ZNF423: variants seen among roughly 807,000 people sequenced by gnomAD.
ZNF423 encodes zinc finger protein 423.
Under a neutral mutation model 95.8 loss-of-function variants are expected in ZNF423, and 12 were observed. That is an observed-to-expected ratio of 0.13 (90% CI 0.08 to 0.20). The LOEUF (loss-of-function observed/expected upper bound fraction) is 0.20, where lower values mean the gene tolerates loss of function less well. Ranked by LOEUF, ZNF423 falls within the 10% of genes least tolerant of loss-of-function variation. The pLI, the probability that ZNF423 is intolerant of heterozygous loss-of-function variation, is 1.00. For synonymous variants in ZNF423, 749 were observed against 711.9 expected (o/e 1.05, Z -0.83); for missense variants, 1,316 against 1,737.1 (o/e 0.76, Z 4.31).
chr16:49,851,502 G>A (rs549061046), intron 1 of ZNF423, among the ~76,000 whole-genome samples: 1 of 152,220 alleles, frequency 6.6e-6, no homozygotes, highest in Non-Finnish European at 1.5e-5. Flanking sequence ...GATTGAACCA[G>A]ATCCCCAGCC....
At chr16:49,852,678 A>C (rs2035314707) in intron 1 of ZNF423, among the ~76,000 whole-genome samples, 1 of 152,056 alleles carries the variant, frequency 6.6e-6, no homozygotes, top group Non-Finnish European at 1.5e-5. Flanking sequence ...GAAAAATGTG[A>C]CTTTTATAAC....
intron 7 of ZNF423, among the ~76,000 whole-genome samples, chr16:49,504,281 ACAGGCCAGG>A (rs1480005376): frequency 6.6e-6 from 1 of 152,184 alleles, no homozygotes; most frequent in African/African-American, 2.4e-5. Context: ...ACAATGAAAA[ACAGGCCAGG>A]CACAGTGGCT....
intron 3 of ZNF423, among the ~76,000 whole-genome samples, chr16:49,686,110 G>T (rs1230666069): frequency 6.6e-6 from 1 of 152,204 alleles, no homozygotes; most frequent in Non-Finnish European, 1.5e-5. Flanking sequence ...TTTATGGGGT[G>T]GTTTGTCTAG....
chr16:49,504,514 G>A (rs1408579329), intron 7 of ZNF423, among the ~76,000 whole-genome samples: 2 of 152,108 alleles, frequency 1.3e-5, no homozygotes, highest in East Asian at 1.9e-4. Flanking sequence ...CCCAGGAAGC[G>A]GAGGTTGCAA....
chr16:49,760,204 A>T (rs1347751011), intron 2 of ZNF423, among the ~76,000 whole-genome samples: 1 of 112,824 alleles, frequency 8.9e-6, no homozygotes, highest in African/African-American at 3.5e-5. Flanking sequence ...ATGAATGGGT[A>T]GATGAGCTGA....
intron 5 of ZNF423, among the ~76,000 whole-genome samples, chr16:49,534,249 T>TG (rs1491453616): frequency 6.9e-4 from 1 of 1,440 alleles, no homozygotes; most frequent in Admixed American, 9.3e-3. Context: ...TTTTTTTTTG[T>TG]TTTTTTTTTT....
intron 2 of ZNF423, among the ~76,000 whole-genome samples, chr16:49,742,798 C>T (rs2033441697): frequency 6.6e-6 from 1 of 151,880 alleles, no homozygotes; most frequent in South Asian, 2.1e-4. Context: ...CTTGTGGCTG[C>T]AAAAAAAGGA....
At chr16:49,757,052 T>C (rs892530874) in intron 2 of ZNF423, among the ~76,000 whole-genome samples, 1 of 152,198 alleles carries the variant, frequency 6.6e-6, no homozygotes, top group South Asian at 2.1e-4. Flanking sequence ...GTGCAAGTGT[T>C]TTTGTTTTTC....
intron 2 of ZNF423, among the ~76,000 whole-genome samples, chr16:49,733,254 A>G (rs1418584929): frequency 6.6e-6 from 1 of 152,236 alleles, no homozygotes; most frequent in Non-Finnish European, 1.5e-5. Context: ...TAAAAGAGCC[A>G]TAATTCTGGC....
chr16:49,760,362 G>A (rs995938605), intron 2 of ZNF423, among the ~76,000 whole-genome samples: 1 of 151,920 alleles, frequency 6.6e-6, no homozygotes, highest in African/African-American at 2.4e-5. Context: ...ATGGATGGAT[G>A]GATGAACTAA....
chr16:49,733,009 C>T (rs1266635698), intron 2 of ZNF423, among the ~76,000 whole-genome samples: 2 of 152,224 alleles, frequency 1.3e-5, no homozygotes, highest in African/African-American at 4.8e-5. Flanking sequence ...GCGCCAACTC[C>T]TGGCAATACA....
chr16:49,742,201 C>G (rs1461513595), intron 2 of ZNF423, among the ~76,000 whole-genome samples: 2 of 152,158 alleles, frequency 1.3e-5, no homozygotes, highest in African/African-American at 4.8e-5. Context: ...ACCCTCCCTG[C>G]AGGGCTCAGC....
At chr16:49,551,789 C>T (rs1427603557) in intron 5 of ZNF423, among the ~76,000 whole-genome samples, 1 of 152,146 alleles carries the variant, frequency 6.6e-6, no homozygotes, top group Non-Finnish European at 1.5e-5. Context: ...GAAAACGGGC[C>T]CCTCAAGTCT....
chr16:49,546,481 A>G (rs1204431356), intron 5 of ZNF423, among the ~76,000 whole-genome samples: 1 of 152,198 alleles, frequency 6.6e-6, no homozygotes, highest in Admixed American at 6.5e-5. Flanking sequence ...GGGATAGAGT[A>G]CTAGGATGTT....
chr16:49,758,405 T>C (rs1490415106), intron 2 of ZNF423, among the ~76,000 whole-genome samples: 26 of 152,270 alleles, frequency 1.7e-4, no homozygotes, highest in African/African-American at 6.0e-4. Context: ...TCCCAAAGTA[T>C]TGGGATTACA....
At chr16:49,691,991 G>C (rs900993733) in intron 3 of ZNF423, among the ~76,000 whole-genome samples, 1 of 151,956 alleles carries the variant, frequency 6.6e-6, no homozygotes, top group Admixed American at 6.6e-5. Flanking sequence ...GCTCTGTGGC[G>C]CAGGCTGGAG....
At chr16:49,765,709 G>C (rs35192405) in intron 2 of ZNF423, among the ~76,000 whole-genome samples, 8,565 of 152,168 alleles carry the variant, frequency 0.056, 310 homozygotes, top group South Asian at 0.12. Context: ...AACAGAACGA[G>C]ACCCTACCTT....
At chr16:49,769,986 CTCTA>C (rs2034003628) in intron 2 of ZNF423, among the ~76,000 whole-genome samples, 1 of 152,136 alleles carries the variant, frequency 6.6e-6, no homozygotes, top group African/African-American at 2.4e-5. Flanking sequence ...CCTCCCACCA[CTCTA>C]TCTATCTGGT....
chr16:49,750,411 G>T (rs914491976), intron 2 of ZNF423, among the ~76,000 whole-genome samples: 2 of 152,208 alleles, frequency 1.3e-5, no homozygotes, highest in Non-Finnish European at 1.5e-5. Flanking sequence ...AGTGGGCTGG[G>T]TGTTTCTGGG....
Sources: allele counts gnomAD v4.1 joint callset (sites outside exome capture counted in the v4.1 genomes callset), GRCh38; gene constraint gnomAD v4.1.1; transcripts MANE v1.5; gene names NCBI Gene and HGNC (gene_info 2026-07-23, HGNC 2026-07-21).